AKAP3: variants seen among roughly 807,000 people sequenced by gnomAD.
The protein encoded by AKAP3 is A-kinase anchor protein 3.
AKAP3 carries 27 observed loss-of-function variants against 57.2 expected under a neutral mutation model. That is an observed-to-expected ratio of 0.47 (90% confidence interval 0.35 to 0.65). The LOEUF (loss-of-function observed/expected upper bound fraction) is 0.65. Among genes scored for constraint, AKAP3 ranks in the 30% least tolerant of loss-of-function variants. The probability of loss-of-function intolerance (pLI) is 0.01; values close to 1 mark genes in which losing one functional copy is unlikely to be tolerated. For synonymous variants in AKAP3, 334 were observed against 392.3 expected, an observed-to-expected ratio of 0.85 and a Z score of 1.76; for missense variants, 959 against 1,040.0, an observed-to-expected ratio of 0.92 and a Z score of 1.07.
chr12:4,623,763 G>GA (rs1945372711), intron 5 of AKAP3, among the ~76,000 whole-genome samples: 1 of 152,038 alleles, frequency 6.6e-6, no homozygotes, highest in African/African-American at 2.4e-5. Flanking sequence ...GTTAAAAAAA[G>GA]AAAAATGGGC....
At chr12:4,619,389 T>C (rs1403186340) in intron 5 of AKAP3, among the ~76,000 whole-genome samples, 1 of 151,744 alleles carries the variant, frequency 6.6e-6, no homozygotes, top group African/African-American at 2.4e-5. Flanking sequence ...CAAGACCCCA[T>C]CTCTAAAACA....
intron 4 of AKAP3, among the ~76,000 whole-genome samples, chr12:4,637,221 C>T (rs1945577475): frequency 6.6e-6 from 1 of 152,206 alleles, no homozygotes. Context: ...CCTTCTTTGC[C>T]TTGCTTTGTG....
chr12:4,630,290 T>C (rs1283027232), intron 4 of AKAP3, among the ~76,000 whole-genome samples: 1 of 152,240 alleles, frequency 6.6e-6, no homozygotes, highest in African/African-American at 2.4e-5. Flanking sequence ...CCTAGTAAGA[T>C]AGGTTTTACT....
chr12:4,635,561 A>G, intron 4 of AKAP3: 1 of 708,102 alleles, frequency 1.4e-6, no homozygotes, highest in Non-Finnish European at 2.6e-6. Flanking sequence ...CTGGAAATCT[A>G]CTGCTCTTTT....
chr12:4,628,087 T>C lies in AKAP3; in HGVS notation c.815A>G (p.Glu272Gly), dbSNP rs1409046030. ...PRERKRFRGQ[E>G]RPDDFTASVS... Reference sequence around the variant, plus strand: ...AGAAGCCGTAAAGTCATCAGGCCTTTCCTGCCCTCGAAACCTCTTTCTCTC... The same window carrying C: ...AGAAGCCGTAAAGTCATCAGGCCTTCCCTGCCCTCGAAACCTCTTTCTCTC... The change falls in exon 5 of 6, where the codon GAA becomes GGA. Residue 272 changes from glutamate (E) to glycine (G), a missense_variant. Physicochemically the swap from Glu to Gly is moderately conservative, Grantham distance 98. Transcript: ENST00000228850. 1.2e-6 allele frequency: 2 copies of C among 1,614,022 alleles called. No individual in the cohort carries two copies. The highest frequency in any genetic ancestry group is 1.7e-6 in the Non-Finnish European group (2 of 1,180,018).
intron 5 of AKAP3, among the ~76,000 whole-genome samples, chr12:4,622,738 T>C (rs564960808): frequency 6.6e-6 from 1 of 152,200 alleles, no homozygotes; most frequent in South Asian, 2.1e-4. Context: ...TCATGATGAA[T>C]ACACCAAAAG....
chr12:4,644,353 AT>A (rs755051596), intron 2 of AKAP3, among the ~76,000 whole-genome samples: 1 of 152,174 alleles, frequency 6.6e-6, no homozygotes, highest in Admixed American at 6.5e-5. Flanking sequence ...TACCAGTTCT[AT>A]TTTGCTCTTG....
chr12:4,635,563 T>G (rs572752321), intron 4 of AKAP3: 1 of 708,850 alleles, frequency 1.4e-6, no homozygotes, highest in Non-Finnish European at 2.6e-6. Context: ...GGAAATCTAC[T>G]GCTCTTTTAT....
At chr12:4,632,294 GTA>G in intron 4 of AKAP3, among the ~76,000 whole-genome samples, 1 of 152,322 alleles carries the variant, frequency 6.6e-6, no homozygotes, top group East Asian at 1.9e-4. Context: ...TATAAGGGGT[GTA>G]TGTGACTGTA....
At chr12:4,635,368 T>G in intron 4 of AKAP3, 1 of 616,140 alleles carries the variant, frequency 1.6e-6, no homozygotes, top group Non-Finnish European at 2.9e-6. Context: ...TGACTCCTGT[T>G]TGGTTGTGTG....
intron 1 of AKAP3, among the ~76,000 whole-genome samples, chr12:4,647,589 T>A (rs1945714732): frequency 6.6e-6 from 1 of 152,136 alleles, no homozygotes; most frequent in African/African-American, 2.4e-5. Context: ...AGTGTTTAAC[T>A]TAGAGATTTT....
chr12:4,623,300 A>G (rs189686524), intron 5 of AKAP3, among the ~76,000 whole-genome samples: 3 of 152,350 alleles, frequency 2.0e-5, no homozygotes, highest in Middle Eastern at 3.4e-3. Flanking sequence ...ATAAAGACAC[A>G]TGCACGTGGA....
At position 4,629,915 on chromosome 12, in the gene AKAP3, T is replaced by C. The variant is rs150929964; in HGVS notation, c.97-1110A>G. Among the ~76,000 whole-genome samples, 177 of 152,320 alleles carry C rather than the reference T, an allele frequency of 1.2e-3. 1 individual carries two copies. The highest frequency in any genetic ancestry group is 4.0e-3 in the African/African-American group (167 of 41,566). On this transcript the variant is annotated intron_variant, in intron 4 of 5. Coordinates refer to ENST00000228850, the MANE Select transcript of AKAP3 (RefSeq NM_001278309.2). The stretch of plus-strand genomic sequence containing the variant: ...ATCCGATTTATAATTCAGGAGTTAA[T>C]ATGTATTGGCAATTTATTAGATTCT...
chr12:4,647,003 G>A (rs555169620), intron 1 of AKAP3, among the ~76,000 whole-genome samples: 1 of 151,900 alleles, frequency 6.6e-6, no homozygotes, highest in Non-Finnish European at 1.5e-5. Context: ...AGCTGGTCTC[G>A]AACTCCTGAC....
intron 1 of AKAP3, among the ~76,000 whole-genome samples, chr12:4,646,281 C>T (rs1379710942): frequency 6.6e-6 from 1 of 151,942 alleles, no homozygotes; most frequent in African/African-American, 2.4e-5. Flanking sequence ...ATATAGTTTC[C>T]ATGGAGCAAA....
Position 4,615,786 on chromosome 12 carries a change from T to A in AKAP3, c.2515A>T (p.Asn839Tyr). 6.2e-7 allele frequency: 1 copy of A among 1,614,146 alleles called. No individual in the cohort carries two copies. The highest frequency in any genetic ancestry group is 8.5e-7 in the Non-Finnish European group (1 of 1,180,014). The change falls in exon 6 of 6, where the codon AAT (asparagine) becomes TAT (tyrosine). Residue 839 changes from asparagine (N) to tyrosine (Y), a missense_variant. Asn to Tyr is a moderately radical substitution (Grantham distance 143, BLOSUM62 -2). Coordinates refer to ENST00000228850, the MANE Select transcript of AKAP3 (RefSeq NM_001278309.2). Reference sequence around the variant, plus strand: ...TCCAGCAGCTGCAGCGGTGTGACATTCCCCACCGCCTCATTCAGCTGGCGC... The same window carrying A: ...TCCAGCAGCTGCAGCGGTGTGACATACCCCACCGCCTCATTCAGCTGGCGC... ...KERQLNEAVG[N>Y]VTPLQLLDWL...
chr12:4,627,654 T>G lies in AKAP3; in HGVS notation c.1248A>C (p.Lys416Asn). ...LISMKGMGDP[K>N]NRNVNFAMKS... is the part of the protein sequence containing the mutation. The stretch of plus-strand genomic sequence containing the variant: ...TCATGGCAAAGTTCACATTTCGGTT[T>G]TTAGGATCACCCATTCCTTTCATGG... The change falls in exon 5 of 6, where the codon AAA becomes AAC. Residue 416 changes from lysine (K) to asparagine (N), a missense_variant. Coordinates refer to ENST00000228850, the MANE Select transcript of AKAP3 (RefSeq NM_001278309.2). 6.2e-7 allele frequency: 1 copy of G among 1,614,096 alleles called. No individual in the cohort carries two copies. The highest frequency in any genetic ancestry group is 8.5e-7 in the Non-Finnish European group (1 of 1,180,026).
intron 4 of AKAP3, among the ~76,000 whole-genome samples, chr12:4,631,726 C>T: frequency 6.6e-6 from 1 of 152,080 alleles, no homozygotes; most frequent in Non-Finnish European, 1.5e-5. Flanking sequence ...TTTACAGAAC[C>T]TAACTCAGAA....
At position 4,624,810 on chromosome 12, in the gene AKAP3, G is replaced by GT. The variant is rs1380217325; in HGVS notation, c.2406+1685dup. On this transcript the variant is annotated intron_variant, in intron 5 of 5. Coordinates refer to ENST00000228850, the MANE Select transcript of AKAP3 (RefSeq NM_001278309.2). The stretch of plus-strand genomic sequence containing the variant: ...GGCTTTATCTTTAGAGTAGACAAAG[G>GT]TGTGTGTGTGTGTGTATATAAAAGT... 7.7e-4 allele frequency among the ~76,000 whole-genome samples: 57 copies of GT among 74,190 alleles called. 1 individual carries two copies. Among genetic ancestry groups the GT allele is most frequent in the African/African-American group, 2.5e-3 (52 of 21,196 alleles). The allele number at this position is 74,190 out of a possible 152,430, so 48.7% of individuals were successfully genotyped here.
Sources: allele counts gnomAD v4.1 joint callset (sites outside exome capture counted in the v4.1 genomes callset), GRCh38; gene constraint gnomAD v4.1.1; transcripts MANE v1.5; gene names NCBI Gene and HGNC (gene_info 2026-07-23, HGNC 2026-07-21).